Variants in CBLN2 observed in about 807,000 individuals in gnomAD.
CBLN2 encodes cerebellin-2.
In CBLN2, 7 loss-of-function variants were observed where a neutral mutation model predicts 15.0. The ratio of observed to expected loss-of-function variants is 0.47; its 90% CI spans 0.27 to 0.88. CBLN2 has a LOEUF of 0.88. Among genes scored for constraint, CBLN2 ranks in the 40% least tolerant of loss-of-function variants. The probability of loss-of-function intolerance (pLI) is 0.14; values close to 1 mark genes in which losing one functional copy is unlikely to be tolerated. For missense variants in CBLN2, 242 were observed against 304.5 expected (o/e 0.79, Z 1.53); for synonymous variants, 149 against 135.2 (o/e 1.10, Z -0.71).
At chr18:72,551,893 C>T (rs2069194001) in intron 1 of CBLN2, among the ~76,000 whole-genome samples, 4 of 152,174 alleles carry the variant, frequency 2.6e-5, no homozygotes, top group Admixed American at 2.6e-4. Context: ...CTTAGAAGGC[C>T]AACTTTTTCT....
intron 1 of CBLN2, among the ~76,000 whole-genome samples, chr18:72,558,198 G>A (rs1280855899): frequency 1.3e-5 from 2 of 152,162 alleles, no homozygotes; most frequent in African/African-American, 4.8e-5. Context: ...GCTTGACTCT[G>A]GAGGGGCTAG....
upstream of CBLN2, among the ~76,000 whole-genome samples, chr18:72,546,192 CT>C (rs1478402963): frequency 2.0e-5 from 3 of 152,120 alleles, no homozygotes; most frequent in Non-Finnish European, 4.4e-5. Context: ...AATCCCAGCA[CT>C]TTGGGAGGCC....
chr18:72,590,967 C>G (rs1000203867), intron 1 of CBLN2, among the ~76,000 whole-genome samples: 1 of 152,128 alleles, frequency 6.6e-6, no homozygotes, highest in Non-Finnish European at 1.5e-5. Flanking sequence ...ATTTGTTTCT[C>G]TGTCTTTGGG....
chr18:72,592,460 ATTG>A (rs1472491576), intron 1 of CBLN2, among the ~76,000 whole-genome samples: 2 of 151,658 alleles, frequency 1.3e-5, no homozygotes, highest in Non-Finnish European at 2.9e-5. Context: ...TTGTCTGTTG[ATTG>A]TTTCCTATGT....
chr18:72,600,872 C>G (rs8092762), intron 1 of CBLN2, among the ~76,000 whole-genome samples: 82,691 of 151,964 alleles, frequency 0.54, 26,228 homozygotes, highest in Non-Finnish European at 0.73. Flanking sequence ...TGCTGAGTCA[C>G]CCTCTAGGTG....
At chr18:72,611,979 C>T (rs2069625633) in intron 1 of CBLN2, among the ~76,000 whole-genome samples, 1 of 152,154 alleles carries the variant, frequency 6.6e-6, no homozygotes, top group Non-Finnish European at 1.5e-5. Context: ...TATTCCTGCA[C>T]TATTTATTGA....
chr18:72,605,585 C>T lies in CBLN2; in HGVS notation c.15+32740G>A, dbSNP rs144853513. ...CACTTCATACTGACATAGCTGGTGA[C>T]AAGAAAGATAAGTCAAACAATGGAG... is the stretch of plus-strand genomic sequence containing the variant. On this transcript the variant is annotated intron_variant, in intron 1 of 2. Transcript: ENST00000581073. Among the ~76,000 whole-genome samples, 108 of 152,218 alleles carry T rather than the reference C, an allele frequency of 7.1e-4. 1 individual carries two copies. Among genetic ancestry groups the T allele is most frequent in the African/African-American group, 2.5e-3 (103 of 41,524 alleles).
At chr18:72,638,297 C>T (rs1184946476) in intron 1 of CBLN2, 1 of 398,476 alleles carries the variant, frequency 2.5e-6, no homozygotes, top group Non-Finnish European at 4.4e-6. Context: ...TACTCACGTT[C>T]TGTCTAGCCT....
intron 1 of CBLN2, among the ~76,000 whole-genome samples, chr18:72,615,549 T>C (rs978912706): frequency 4.6e-5 from 7 of 152,058 alleles, no homozygotes; most frequent in African/African-American, 1.4e-4. Context: ...AGTGCTGGGA[T>C]TGCAGGCGTG....
At chr18:72,574,562 A>G (rs780701309) in intron 1 of CBLN2, among the ~76,000 whole-genome samples, 5 of 152,172 alleles carry the variant, frequency 3.3e-5, no homozygotes, top group Non-Finnish European at 7.3e-5. Flanking sequence ...TCCAGTGTAC[A>G]GATGGAGGGG....
chr18:72,587,646 G>A (rs1453151594), intron 1 of CBLN2, among the ~76,000 whole-genome samples: 1 of 152,038 alleles, frequency 6.6e-6, no homozygotes, highest in East Asian at 1.9e-4. Flanking sequence ...TGACTTCAAA[G>A]ACAATGATCA....
intron 1 of CBLN2, among the ~76,000 whole-genome samples, chr18:72,558,150 A>G (rs572147911): frequency 6.6e-6 from 1 of 152,290 alleles, no homozygotes; most frequent in South Asian, 2.1e-4. Flanking sequence ...TATGCTGACC[A>G]TGTGACTTAG....
rs554100948 is a variant in CBLN2 at position 72,602,587 on chromosome 18, G to A, written c.15+35738C>T. ...CAGTCAATCAATACAGCAGTTGTCG[G>A]GGTGCCGCCGTGAAGGTGTTGTGCA... On this transcript the variant is annotated intron_variant, in intron 1 of 2. Coordinates refer to the CBLN2 transcript ENST00000581073. Among the ~76,000 whole-genome samples the A allele has an allele frequency of 3.3e-5, 5 of 152,206 alleles. No homozygotes were observed. In the South Asian group the frequency reaches 8.3e-4, roughly 25 times the overall value.
At chr18:72,585,122 A>T (rs141069523) in intron 1 of CBLN2, among the ~76,000 whole-genome samples, 22 of 152,208 alleles carry the variant, frequency 1.4e-4, no homozygotes, top group Non-Finnish European at 2.9e-4. Flanking sequence ...GAGCCCCAAA[A>T]AGGGTGTCAC....
chr18:72,623,057 A>C (rs2069711906), intron 1 of CBLN2, among the ~76,000 whole-genome samples: 1 of 152,178 alleles, frequency 6.6e-6, no homozygotes. Context: ...AGTCATGATC[A>C]GAGGCACATC....
At position 72,538,212 on chromosome 18, in the gene CBLN2, G is replaced by A. The variant is rs970349935; in HGVS notation, c.639C>T (p.Tyr213=). The A allele has an allele frequency of 1.2e-6, 2 of 1,614,150 alleles. No individual in the cohort carries two copies. The highest frequency in any genetic ancestry group is 1.7e-5 in the Admixed American group (1 of 60,032). ...ERGNLMGGWK[Y]STFSGFLVFP... ...ACACCAAGAAGCCCGAGAATGTGGA[G>A]TATTTCCAGCCCCCCATGAGGTTGC... Residue 213 remains tyrosine, a synonymous_variant, in exon 5 of 5, where the codon TAC becomes TAT. Coordinates refer to ENST00000269503, the MANE Select transcript of CBLN2 (RefSeq NM_182511.4).
intron 1 of CBLN2, chr18:72,618,822 G>A (rs776180421): frequency 4.1e-6 from 3 of 737,346 alleles, no homozygotes; most frequent in Admixed American, 3.5e-5. Flanking sequence ...AGCAAGAGAT[G>A]GCGAGTGCTT....
intron 1 of CBLN2, among the ~76,000 whole-genome samples, chr18:72,557,517 A>G (rs1371380999): frequency 1.3e-5 from 2 of 152,200 alleles, no homozygotes; most frequent in Admixed American, 6.5e-5. Flanking sequence ...AAATGTTCCT[A>G]TTTATCTGTA....
At chr18:72,600,304 A>G (rs899834646) in intron 1 of CBLN2, among the ~76,000 whole-genome samples, 7 of 152,296 alleles carry the variant, frequency 4.6e-5, no homozygotes, top group African/African-American at 1.7e-4. Context: ...ACAGTGGGAA[A>G]GGAATTTGAG....
Sources: gnomAD v4.1 joint callset for allele counts (sites outside exome capture counted in the v4.1 genomes callset) on GRCh38, gnomAD v4.1.1 for gene constraint, MANE v1.5 for transcripts, NCBI Gene and HGNC (gene_info 2026-07-23, HGNC 2026-07-21) for gene names.